The following BRD7 variants were observed in gnomAD, a reference collection of about 807,000 sequenced individuals.
BRD7 encodes the protein bromodomain-containing protein 7.
Under a neutral mutation model 82.1 loss-of-function variants are expected in BRD7, and 15 were observed. The ratio of observed to expected loss-of-function variants is 0.18; its 90% CI spans 0.12 to 0.28. The LOEUF is 0.28. Among genes scored for constraint, BRD7 ranks in the 10% least tolerant of loss-of-function variants. The pLI, the probability that BRD7 is intolerant of heterozygous loss-of-function variation, is 1.00. For missense variants in BRD7, 638 were observed against 779.9 expected (o/e 0.82, Z 2.17); for synonymous variants, 232 against 266.9 (o/e 0.87, Z 1.27).
At position 50,316,834 on chromosome 16, in the gene BRD7, C is replaced by T. The variant is rs1164292215; in HGVS notation, c.*2377G>A. 1 of 152,352 alleles carries T rather than the reference C, an allele frequency of 6.6e-6. No homozygotes were observed. Among genetic ancestry groups the T allele is most frequent in the Non-Finnish European group, 1.5e-5 (1 of 68,054 alleles). The allele number at this position is 152,352 out of a possible 1,614,324, so 9.4% of individuals were successfully genotyped here. A position where few individuals can be genotyped will look rare whatever the true frequency, so the allele number is the denominator to read the frequency against. ...GAAGACTTAACCGGTGGCCTCATCA[C>T]CAGAGCATCGCCAGGATTTCTAATG... On this transcript the variant is annotated 3_prime_UTR_variant, in exon 17 of 17. Coordinates refer to ENST00000394688, the MANE Select transcript of BRD7 (RefSeq NM_013263.5).
chr16:50,339,465 T>C (rs2037954756), intron 6 of BRD7, among the ~76,000 whole-genome samples: 1 of 152,218 alleles, frequency 6.6e-6, no homozygotes, highest in East Asian at 1.9e-4. Flanking sequence ...ATGCTAAGTA[T>C]GTGTGCATTT....
chr16:50,349,210 C>T (rs1597076849), intron 5 of BRD7: 1 of 182,628 alleles, frequency 5.5e-6, no homozygotes, highest in East Asian at 1.8e-4. Flanking sequence ...AACACCTGGA[C>T]ACAGGGTGGG....
rs925295730 is a variant in BRD7 at position 50,336,377 on chromosome 16, G to T, written c.703-1482C>A. Among the ~76,000 whole-genome samples, 3 of 152,228 alleles carry T rather than the reference G, an allele frequency of 2.0e-5. No homozygotes were observed. The East Asian group carries it at 5.8e-4, about 29-fold the overall frequency. ...TGATAATTACTGCTTTCCAGAAAAG[G>T]TATACCAATTTACATACTAATTTAC... is the stretch of plus-strand genomic sequence containing the variant. On this transcript the variant is annotated intron_variant, in intron 6 of 16. Transcript: ENST00000394688.
At chr16:50,321,377 A>G (rs1310414629) in intron 13 of BRD7, among the ~76,000 whole-genome samples, 1 of 152,116 alleles carries the variant, frequency 6.6e-6, no homozygotes, top group Non-Finnish European at 1.5e-5. Flanking sequence ...CCTGGCCAAC[A>G]TAGTGAAACC....
intron 5 of BRD7, among the ~76,000 whole-genome samples, chr16:50,346,717 G>A (rs1160364430): frequency 1.3e-5 from 2 of 152,178 alleles, no homozygotes; most frequent in South Asian, 4.1e-4. Context: ...ACTAAACCAG[G>A]AAGAAGCTGA....
At chr16:50,341,863 G>A (rs770815882) in intron 5 of BRD7, among the ~76,000 whole-genome samples, 3 of 150,962 alleles carry the variant, frequency 2.0e-5, no homozygotes, top group Non-Finnish European at 4.4e-5. Context: ...ATAATGTGCT[G>A]GGCTTTACTG....
intron 7 of BRD7, 89 bp from the exon 8 acceptor site, chr16:50,333,786 A>G: frequency 8.8e-7 from 1 of 1,137,280 alleles, no homozygotes; most frequent in Non-Finnish European, 1.3e-6. Flanking sequence ...GAATACAACT[A>G]AAGTGGAGAC....
In BRD7 at chr16:50,363,071, C is replaced by T. The variant is rs547641772; in HGVS notation, c.258+5019G>A. ...TAAGTAGCAGTTGTTATTTGTAAAA[C>T]GTTACGTGTAGCTTTTTCGTGTTAT... is the stretch of plus-strand genomic sequence containing the variant. On this transcript the variant is annotated intron_variant, in intron 2 of 16. Coordinates refer to ENST00000394688, the MANE Select transcript of BRD7 (RefSeq NM_013263.5). Among the ~76,000 whole-genome samples, 633 of 152,238 alleles carry T rather than the reference C, an allele frequency of 4.2e-3. 6 individuals are homozygous for T. The highest frequency in any genetic ancestry group is 8.1e-3 in the Admixed American group (124 of 15,290).
rs565333907 is a variant in BRD7 at position 50,318,880 on chromosome 16, G to A, written c.*331C>T. The stretch of plus-strand genomic sequence containing the variant: ...TTCTAAAATTATTTCAAGTATGTTC[G>A]TATAACGGAAAATCTCACTGGATGG... On this transcript the variant is annotated 3_prime_UTR_variant, in exon 17 of 17. Coordinates refer to ENST00000394688, the MANE Select transcript of BRD7 (RefSeq NM_013263.5). 10 of 218,992 alleles carry A rather than the reference G, an allele frequency of 4.6e-5. No homozygotes were observed. Among genetic ancestry groups the A allele is most frequent in the Admixed American group, 1.2e-4 (2 of 17,384 alleles). 13.6% of individuals were successfully genotyped at this position (218,992 alleles called of 1,614,324 possible). A position where few individuals can be genotyped will look rare whatever the true frequency, so the allele number is the denominator to read the frequency against.
chr16:50,341,994 G>A (rs2038083211), intron 5 of BRD7, among the ~76,000 whole-genome samples: 1 of 149,198 alleles, frequency 6.7e-6, no homozygotes. Flanking sequence ...CAAATGAACT[G>A]AATAAATATT....
rs1389850240 is a variant in BRD7, at chr16:50,334,989, C to T, written c.703-94G>A. 3 of 1,228,052 alleles carry T rather than the reference C, an allele frequency of 2.4e-6. No homozygotes were observed. The East Asian group carries it at 7.5e-5, about 31-fold the overall frequency. 76.1% of individuals were successfully genotyped at this position (1,228,052 alleles called of 1,614,324 possible). On this transcript the variant is annotated intron_variant, in intron 6 of 16. Transcript: ENST00000394688. ...CCACAGGAGTTTATACTTATCCTGT[C>T]ATTAACCAGGGAAGAAAAACAATTA... is the stretch of plus-strand genomic sequence containing the variant.
In BRD7 at chr16:50,337,470, T is replaced by C. The variant is rs569117310; in HGVS notation, c.702+2506A>G. The stretch of plus-strand genomic sequence containing the variant: ...AGACGGAGTTTTTCCATGTTGGTCA[T>C]GCTGGTCTCAAACTCCTGACCTCAG... On this transcript the variant is annotated intron_variant, in intron 6 of 16. Coordinates refer to ENST00000394688, the MANE Select transcript of BRD7 (RefSeq NM_013263.5). 3.3e-5 allele frequency among the ~76,000 whole-genome samples: 5 copies of C among 152,096 alleles called. No individual in the cohort carries two copies. The East Asian group carries it at 7.7e-4, about 24-fold the overall frequency.
intron 11 of BRD7, among the ~76,000 whole-genome samples, chr16:50,325,300 T>C (rs544419820): frequency 9.2e-5 from 14 of 152,164 alleles, no homozygotes; most frequent in Non-Finnish European, 1.3e-4. Flanking sequence ...TGGCATGTGA[T>C]TGGTCAAAAA....
chr16:50,324,733 C>T (rs545470526), intron 11 of BRD7, among the ~76,000 whole-genome samples: 98 of 152,336 alleles, frequency 6.4e-4, no homozygotes, highest in Middle Eastern at 3.4e-3. Context: ...CCCAGCACTA[C>T]TCTCTCCTTC....
rs57755008 is a variant in BRD7, at chr16:50,341,177, T to TACACACAC, written c.592-1099_592-1092dup. ...GAAAGCTATGGGACCAGACCTTAAGTACACACACACACACACACACACACA... is the reference window on the plus strand; with the variant it reads ...GAAAGCTATGGGACCAGACCTTAAGTACACACACACACACACACACACACACACACACA... On this transcript the variant is annotated intron_variant, in intron 5 of 16. Transcript: ENST00000394688. Among the ~76,000 whole-genome samples the TACACACAC allele has an allele frequency of 9.3e-3, 1,273 of 137,246 alleles. 10 individuals are homozygous for TACACACAC. Among genetic ancestry groups the TACACACAC allele is most frequent in the Non-Finnish European group, 0.015 (916 of 62,412 alleles). 90.0% of individuals were successfully genotyped at this position (137,246 alleles called of 152,430 possible). A position where few individuals can be genotyped will look rare whatever the true frequency, so the allele number is the denominator to read the frequency against.
chr16:50,364,569 G>T (rs2039065152), intron 2 of BRD7, among the ~76,000 whole-genome samples: 1 of 152,174 alleles, frequency 6.6e-6, no homozygotes, highest in African/African-American at 2.4e-5. Flanking sequence ...CTGTGGATAT[G>T]AACCCATTTT....
intron 5 of BRD7, among the ~76,000 whole-genome samples, chr16:50,343,693 C>T (rs1359854454): frequency 6.6e-6 from 1 of 152,178 alleles, no homozygotes; most frequent in East Asian, 1.9e-4. Context: ...CCCACGGAGC[C>T]TCACTCACTG....
intron 4 of BRD7, among the ~76,000 whole-genome samples, chr16:50,352,428 T>G (rs2038565570): frequency 6.6e-6 from 1 of 152,216 alleles, no homozygotes; most frequent in South Asian, 2.1e-4. Flanking sequence ...TACCACATTT[T>G]AAAAAATGCA....
rs2038671962 is a variant in BRD7, at chr16:50,354,849, A to T, written c.332T>A (p.Val111Glu). ...AEKDLQCHAP[V>E]RLDLPPEKPL... ...CTTCTCAGGAGGCAAGTCTAATCTC[A>T]CAGGGGCGTGACACTGGAGATCTTT... Residue 111 changes from valine (V) to glutamate (E), a missense_variant, in exon 3 of 17, where the codon GTG (valine) becomes GAG (glutamate). Physicochemically the swap from Val to Glu is moderately radical, Grantham distance 121 (BLOSUM62 -2). Around this residue, in one of 3 missense-constraint regions of BRD7, gnomAD observed 172 missense variants for 155.3 expected, o/e 1.11. Transcript: ENST00000394688. 3.1e-6 allele frequency: 5 copies of T among 1,612,610 alleles called. No homozygotes were observed. Among genetic ancestry groups the T allele is most frequent in the Non-Finnish European group, 4.2e-6 (5 of 1,179,630 alleles).
Sources: allele counts gnomAD v4.1 joint callset (sites outside exome capture counted in the v4.1 genomes callset), GRCh38; gene constraint gnomAD v4.1.1; regional missense constraint gnomAD v4.1.1; transcripts MANE v1.5; gene names NCBI Gene and HGNC (gene_info 2026-07-23, HGNC 2026-07-21).